FIBCD1: variants seen among roughly 807,000 people sequenced by gnomAD.
FIBCD1 encodes the protein fibrinogen C domain-containing protein 1.
In FIBCD1, 47 loss-of-function variants were observed where a neutral mutation model predicts 45.1. That is an observed-to-expected ratio of 1.04 (90% CI 0.82 to 1.33). FIBCD1 has a LOEUF of 1.33. Among genes scored for constraint, FIBCD1 ranks in the 40% most tolerant of loss-of-function variants. FIBCD1 has a pLI of 0.00. For synonymous variants in FIBCD1, 313 were observed against 308.1 expected (o/e 1.02, Z -0.17); for missense variants, 653 against 682.2 (o/e 0.96, Z 0.48).
chr9:130,911,064 G>A (rs1245244511), intron 5 of FIBCD1, among the ~76,000 whole-genome samples: 4 of 152,196 alleles, frequency 2.6e-5, no homozygotes, highest in Admixed American at 6.5e-5. Flanking sequence ...GGCTGCCCCA[G>A]CCAGCCTCGG....
chr9:130,917,318 A>G (rs1011063189), intron 4 of FIBCD1, among the ~76,000 whole-genome samples: 1 of 152,194 alleles, frequency 6.6e-6, no homozygotes, highest in Non-Finnish European at 1.5e-5. Flanking sequence ...CTTGGTGCGG[A>G]TTCTCAGAAG....
At chr9:130,918,554 T>A (rs1274617181) in intron 4 of FIBCD1, among the ~76,000 whole-genome samples, 3 of 152,350 alleles carry the variant, frequency 2.0e-5, no homozygotes, top group African/African-American at 7.2e-5. Context: ...CCGGGCTTTC[T>A]GATCAGGTGA....
intron 2 of FIBCD1, among the ~76,000 whole-genome samples, chr9:130,924,851 G>C (rs776457604): frequency 2.0e-5 from 3 of 152,178 alleles, no homozygotes; most frequent in Non-Finnish European, 4.4e-5. Context: ...CGTCTCCCCT[G>C]GCCTGGCCAA....
chr9:130,918,361 C>G (rs753898162), intron 4 of FIBCD1, among the ~76,000 whole-genome samples: 1 of 152,094 alleles, frequency 6.6e-6, no homozygotes, highest in Non-Finnish European at 1.5e-5. Flanking sequence ...GGAGCTGAAA[C>G]CCAAGGAATG....
In FIBCD1 at chr9:130,904,056, G is replaced by T. The variant is rs747313487; in HGVS notation, c.*8C>A. ...GGACCAGCAGGGCCAAGGACAAGGT[G>T]CACCAGTCTAGCGGTCCTCCCGGAC... On this transcript the variant is annotated 3_prime_UTR_variant, in exon 7 of 7. Coordinates refer to ENST00000372338, the MANE Select transcript of FIBCD1 (RefSeq NM_032843.5). The T allele has an allele frequency of 6.2e-7, 1 of 1,611,386 alleles. No homozygotes were observed. Among genetic ancestry groups the T allele is most frequent in the Admixed American group, 1.7e-5 (1 of 59,668 alleles).
rs770426703 is a variant in FIBCD1, at chr9:130,905,384, G to C, written c.976C>G (p.Gln326Glu). Residue 326 changes from glutamine to glutamate, a missense_variant, in exon 6 of 7, where the codon CAG becomes GAG. By Grantham distance (29) the Gln-to-Glu change is conservative. Coordinates refer to ENST00000372338, the MANE Select transcript of FIBCD1 (RefSeq NM_032843.5). ...GLKRIHALTTQAAYELHVDLE... is the reference protein window; with the variant it reads ...GLKRIHALTTEAAYELHVDLE... ...TCCACGTGCAGCTCGTAGGCAGCCT[G>C]TGTGGTCAGGGCGTGGATCCTCTTG... 3.1e-6 allele frequency: 5 copies of C among 1,613,852 alleles called. No individual in the cohort carries two copies. The highest frequency in any genetic ancestry group is 1.7e-5 in the Admixed American group (1 of 59,980).
chr9:130,913,260 TC>T (rs1251422853), intron 4 of FIBCD1, among the ~76,000 whole-genome samples: 2 of 107,710 alleles, frequency 1.9e-5, no homozygotes, highest in African/African-American at 1.5e-4. Context: ...AGCTTTATTC[TC>T]CTTTATTCTC....
intron 4 of FIBCD1, among the ~76,000 whole-genome samples, chr9:130,918,953 C>T (rs1376946974): frequency 1.3e-5 from 2 of 152,248 alleles, no homozygotes; most frequent in African/African-American, 2.4e-5. Context: ...TCACCACCCT[C>T]CCTGCAGAGC....
chr9:130,912,955 G>A (rs1375890318), intron 4 of FIBCD1, among the ~76,000 whole-genome samples: 1 of 152,134 alleles, frequency 6.6e-6, no homozygotes. Context: ...CCCAAAACAA[G>A]CCTGGGGCAG....
intron 1 of FIBCD1, among the ~76,000 whole-genome samples, chr9:130,933,259 C>G (rs1468104936): frequency 6.6e-6 from 1 of 152,216 alleles, no homozygotes; most frequent in African/African-American, 2.4e-5. Flanking sequence ...AAGAAATCTG[C>G]CCGAGATAAC....
chr9:130,905,540 C>T (rs1266182242), intron 5 of FIBCD1, 127 bp from the exon 6 acceptor site: 4 of 972,188 alleles, frequency 4.1e-6, no homozygotes, highest in Non-Finnish European at 6.0e-6. Context: ...CAAGTGCGTG[C>T]AATCAGCCCT....
In FIBCD1 at chr9:130,905,557, C is replaced by T. The variant is rs1017574075; in HGVS notation, c.947-144G>A. The T allele has an allele frequency of 6.2e-6, 5 of 805,256 alleles. No individual in the cohort carries two copies. The African/African-American group carries it at 7.0e-5, about 11-fold the overall frequency. The allele number at this position is 805,256 out of a possible 1,614,324, so 49.9% of individuals were successfully genotyped here. A position where few individuals can be genotyped will look rare whatever the true frequency, so the allele number is the denominator to read the frequency against. The stretch of plus-strand genomic sequence containing the variant: ...AGTGCGTGCAATCAGCCCTGGGCTA[C>T]TTCCTTCTTCCTGCAGGCCTGTGTT... On this transcript the variant is annotated intron_variant, in intron 5 of 6. Transcript: ENST00000372338.
chr9:130,929,785 G>A lies in FIBCD1; in HGVS notation c.334C>T (p.Gln112Ter). Residue 112 changes from glutamine (Q) to a stop codon, truncating the protein, a stop_gained, in exon 2 of 7, where the codon CAG becomes TAG. Coordinates refer to ENST00000372338, the MANE Select transcript of FIBCD1 (RefSeq NM_032843.5). LOFTEE classifies it high-confidence loss of function. ...TDSFARLESA[Q>*]ASVLQALTEH... Reference sequence around the variant, plus strand: ...GTCAGCGCCTGCAGCACCGAGGCCTGGGCGCTCTCCAGGCGTGCGAAGCTG... The same window carrying A: ...GTCAGCGCCTGCAGCACCGAGGCCTAGGCGCTCTCCAGGCGTGCGAAGCTG... The A allele has an allele frequency of 1.9e-6, 3 of 1,555,058 alleles. No homozygotes were observed. The South Asian group carries it at 3.5e-5, about 18-fold the overall frequency.
rs149362107 is a variant in FIBCD1 at position 130,912,158 on chromosome 9, C to T, written c.850-270G>A. Among the ~76,000 whole-genome samples the T allele has an allele frequency of 8.0e-3, 1,216 of 152,016 alleles. 16 individuals carry two copies. Among genetic ancestry groups the T allele is most frequent in the African/African-American group, 0.028 (1,150 of 41,486 alleles). ...GGCTCCTCAGGGAGGAATTCCAGGC[C>T]GGGCATGGTGGCTCATGCCCGGAAT... On this transcript the variant is annotated intron_variant, in intron 4 of 6. Coordinates refer to ENST00000372338, the MANE Select transcript of FIBCD1 (RefSeq NM_032843.5).
chr9:130,904,235 G>T lies in FIBCD1; in HGVS notation c.1215C>A (p.Tyr405Ter). ...AGTTGCGGTACCACCAGGCACCGCG[G>T]TAGAAGGCGGCACAGTTGTTCTCTG... ...DHSENNCAAF[Y>*]RGAWWYRNCH... Residue 405 changes from tyrosine to a stop codon, truncating the protein, a stop_gained, in exon 7 of 7, where the codon TAC (tyrosine) becomes TAA (stop). Transcript: ENST00000372338. LOFTEE classifies it high-confidence loss of function. 2 of 1,613,790 alleles carry T rather than the reference G, an allele frequency of 1.2e-6. No individual in the cohort carries two copies. Among genetic ancestry groups the T allele is most frequent in the South Asian group, 2.2e-5 (2 of 91,088 alleles).
chr9:130,926,521 A>G lies in FIBCD1; in HGVS notation c.553-2125T>C, dbSNP rs1832362252. On this transcript the variant is annotated intron_variant, in intron 2 of 6. Coordinates refer to ENST00000372338, the MANE Select transcript of FIBCD1 (RefSeq NM_032843.5). The surrounding 1 kb of genome is among the most constrained non-coding windows in gnomAD (Gnocchi z 4.1). ...ACTCAGAGCCTCAGTCTGCCTCTCC[A>G]TAAAATGGGATAACAAGGCCGGGTG... Among the ~76,000 whole-genome samples, 1 of 152,206 alleles carries G rather than the reference A, an allele frequency of 6.6e-6. No individual in the cohort carries two copies. The highest frequency in any genetic ancestry group is 2.4e-5 in the African/African-American group (1 of 41,446).
At chr9:130,927,481 G>A (rs1346380751) in intron 2 of FIBCD1, among the ~76,000 whole-genome samples, 2 of 152,210 alleles carry the variant, frequency 1.3e-5, no homozygotes, top group Non-Finnish European at 2.9e-5. Context: ...AGCCCAGAGA[G>A]GGGAAGCAAC....
chr9:130,939,594 C>T (rs1832583284), upstream of FIBCD1, among the ~76,000 whole-genome samples: 2 of 151,984 alleles, frequency 1.3e-5, no homozygotes, highest in South Asian at 4.1e-4. Flanking sequence ...AATGGGGGTC[C>T]CCACCACTGC....
At position 130,911,344 on chromosome 9, in the gene FIBCD1, C is replaced by T. The variant is rs188476033; in HGVS notation, c.946+448G>A. Among the ~76,000 whole-genome samples the T allele has an allele frequency of 6.3e-3, 961 of 152,276 alleles. 36 individuals carry two copies. The highest frequency in any genetic ancestry group is 0.054 in the Admixed American group (822 of 15,300). ...GAAATCAGTGAGACCAAGAACCCAC[C>T]AATTCTGGACACACTCAGCACCACT... On this transcript the variant is annotated intron_variant, in intron 5 of 6. Transcript: ENST00000372338.
Sources: gnomAD v4.1 joint callset for allele counts (sites outside exome capture counted in the v4.1 genomes callset) on GRCh38, gnomAD v4.1.1 for gene constraint, Gnocchi (gnomAD v3.1) non-coding constraint, MANE v1.5 for transcripts, NCBI Gene and HGNC (gene_info 2026-07-23, HGNC 2026-07-21) for gene names.